The following TULP4 variants were observed in gnomAD, a reference collection of about 807,000 sequenced individuals.
The protein encoded by TULP4 is tubby-related protein 4.
A neutral mutation model predicts 129.0 loss-of-function variants in TULP4; 16 were observed. The ratio of observed to expected loss-of-function variants is 0.12; its 90% CI spans 0.08 to 0.19. The LOEUF (loss-of-function observed/expected upper bound fraction) is 0.19, where lower values mean the gene tolerates loss of function less well. TULP4 is among the 10% of genes least tolerant of loss of function. The pLI, the probability that TULP4 is intolerant of heterozygous loss-of-function variation, is 1.00. For missense variants in TULP4, 1,842 were observed against 2,059.1 expected (o/e 0.89, Z 2.04); for synonymous variants, 998 against 854.0 (o/e 1.17, Z -2.94).
chr6:158,373,311 G>A (rs542673616), intron 1 of TULP4, among the ~76,000 whole-genome samples: 20 of 152,348 alleles, frequency 1.3e-4, no homozygotes, highest in African/African-American at 4.8e-4. Flanking sequence ...CAGGGGTTAA[G>A]TGACTTGCTC....
At chr6:158,397,119 A>G (rs994902416) in intron 1 of TULP4, among the ~76,000 whole-genome samples, 2 of 152,216 alleles carry the variant, frequency 1.3e-5, no homozygotes, top group Non-Finnish European at 2.9e-5. Flanking sequence ...ATGGCCCTGG[A>G]AGACCACCAC....
chr6:158,340,267 A>G (rs1780149725), intron 1 of TULP4, among the ~76,000 whole-genome samples: 1 of 152,220 alleles, frequency 6.6e-6, no homozygotes, highest in Non-Finnish European at 1.5e-5. Flanking sequence ...TGAACCTGAA[A>G]TAGTAGTATA....
Position 158,502,384 on chromosome 6 carries a change from G to C in TULP4, c.2721G>C (p.Met907Ile), listed in dbSNP as rs143772991. The C allele has an allele frequency of 6.2e-7, 1 of 1,613,778 alleles. No individual in the cohort carries two copies. Among genetic ancestry groups the C allele is most frequent in the South Asian group, 1.1e-5 (1 of 91,066 alleles). Reference sequence around the variant, plus strand: ...AGGTGTGCCGGCCCCGCACCCGGATGCTGTGCTCCCAGAACACGTACACCC... The same window carrying C: ...AGGTGTGCCGGCCCCGCACCCGGATCCTGTGCTCCCAGAACACGTACACCC... ...VEEVCRPRTRMLCSQNTYTLP... is the reference protein window; with the variant it reads ...VEEVCRPRTRILCSQNTYTLP... The change falls in exon 13 of 14, where the codon ATG becomes ATC. Residue 907 changes from methionine to isoleucine, a missense_variant. Met to Ile is a conservative substitution (Grantham distance 10). Transcript: ENST00000367097.
intron 2 of TULP4, among the ~76,000 whole-genome samples, chr6:158,419,126 A>G (rs547453769): frequency 6.6e-6 from 1 of 152,340 alleles, no homozygotes; most frequent in East Asian, 1.9e-4. Flanking sequence ...TTCTGAGTTT[A>G]TCTGAGGAAA....
chr6:158,412,556 AT>A (rs36044322), intron 1 of TULP4, among the ~76,000 whole-genome samples: 8 of 151,492 alleles, frequency 5.3e-5, no homozygotes, highest in Non-Finnish European at 8.8e-5. Flanking sequence ...TCAAGTATGT[AT>A]TTTTTTTTCC....
chr6:158,347,094 G>T (rs995923959), intron 1 of TULP4, among the ~76,000 whole-genome samples: 1 of 152,142 alleles, frequency 6.6e-6, no homozygotes, highest in South Asian at 2.1e-4. Flanking sequence ...ATCCGTACTT[G>T]CCTGCACTTT....
chr6:158,462,088 A>G lies in TULP4; in HGVS notation c.1026+359A>G, dbSNP rs117815603. Among the ~76,000 whole-genome samples the G allele has an allele frequency of 5.2e-3, 791 of 152,266 alleles. 2 individuals carry two copies. The highest frequency in any genetic ancestry group is 8.1e-3 in the Non-Finnish European group (551 of 68,024). On this transcript the variant is annotated intron_variant, in intron 6 of 13. Transcript: ENST00000367097. ...TTCTTAGCAGGACTCCCCATTGCAA[A>G]AGACAGATTAACAAGAGAAAAACAA...
intron 1 of TULP4, among the ~76,000 whole-genome samples, chr6:158,347,017 A>G (rs1449362402): frequency 6.6e-6 from 1 of 152,094 alleles, no homozygotes; most frequent in Non-Finnish European, 1.5e-5. Context: ...CTGGCAAATC[A>G]CTTTTGTTGT....
At chr6:158,450,875 T>C (rs1779148992) in intron 4 of TULP4, among the ~76,000 whole-genome samples, 1 of 151,780 alleles carries the variant, frequency 6.6e-6, no homozygotes, top group South Asian at 2.1e-4. Context: ...GCTAACACGC[T>C]GAAATCCCGT....
intron 1 of TULP4, among the ~76,000 whole-genome samples, chr6:158,409,177 C>T (rs1353220632): frequency 6.6e-6 from 1 of 152,112 alleles, no homozygotes; most frequent in Non-Finnish European, 1.5e-5. Flanking sequence ...TGACTTAGGG[C>T]CTTAGATTAT....
intron 1 of TULP4, among the ~76,000 whole-genome samples, chr6:158,344,352 C>T (rs1480117964): frequency 2.6e-5 from 4 of 152,286 alleles, no homozygotes; most frequent in South Asian, 2.1e-4. Flanking sequence ...TGTGAGACAG[C>T]GGACTTTGTT....
chr6:158,268,126 C>G (rs1036916739), intron 1 of TULP4, among the ~76,000 whole-genome samples: 8 of 149,160 alleles, frequency 5.4e-5, no homozygotes, highest in Admixed American at 1.3e-4. Flanking sequence ...ACCTCTGCCT[C>G]CTGGGTTCAA....
rs975332156 is a variant in TULP4 at position 158,506,946 on chromosome 6, G to C, written c.*252G>C. 1 of 484,764 alleles carries C rather than the reference G, an allele frequency of 2.1e-6. No homozygotes were observed. The highest frequency in any genetic ancestry group is 2.2e-5 in the South Asian group (1 of 45,100). 30.0% of individuals were successfully genotyped at this position (484,764 alleles called of 1,614,324 possible). A position where few individuals can be genotyped will look rare whatever the true frequency, so the allele number is the denominator to read the frequency against. ...TGGCATTTGGAAGCAAAGAGTGCTA[G>C]GCACCTGCTGTTCTTTCAGGAAACA... On this transcript the variant is annotated 3_prime_UTR_variant, in exon 14 of 14. Transcript: ENST00000367097.
At chr6:158,440,525 T>C (rs1283040483) in intron 3 of TULP4, among the ~76,000 whole-genome samples, 1 of 152,130 alleles carries the variant, frequency 6.6e-6, no homozygotes, top group Non-Finnish European at 1.5e-5. Flanking sequence ...AGTGATCCTT[T>C]TTCTTCTTTC....
intron 1 of TULP4, among the ~76,000 whole-genome samples, chr6:158,286,886 T>G (rs4710222): frequency 0.15 from 23,155 of 152,216 alleles, 2,452 homozygotes; most frequent in East Asian, 0.43. Context: ...ATAATAGGAC[T>G]TGTAATTTCC....
chr6:158,457,723 G>A (rs1270598475), intron 5 of TULP4, among the ~76,000 whole-genome samples: 1 of 152,062 alleles, frequency 6.6e-6, no homozygotes, highest in Admixed American at 6.6e-5. Flanking sequence ...CTTTGTTTGT[G>A]TTTTTTGTTT....
chr6:158,340,338 T>C (rs946048667), intron 1 of TULP4, among the ~76,000 whole-genome samples: 2 of 152,052 alleles, frequency 1.3e-5, no homozygotes, highest in African/African-American at 4.8e-5. Context: ...TTGAATTAAG[T>C]CCTCATTAAT....
chr6:158,307,756 G>A (rs564172875), upstream of TULP4, among the ~76,000 whole-genome samples: 2 of 152,178 alleles, frequency 1.3e-5, no homozygotes, highest in South Asian at 4.2e-4. Flanking sequence ...CTTGTACCTT[G>A]AATGGATCTT....
At chr6:158,253,072 A>G (rs1000069453) in intron 1 of TULP4, among the ~76,000 whole-genome samples, 3 of 152,240 alleles carry the variant, frequency 2.0e-5, no homozygotes, top group African/African-American at 7.2e-5. Flanking sequence ...TAGAAATCCC[A>G]TGCGAATTGT....
Sources: allele counts gnomAD v4.1 joint callset (sites outside exome capture counted in the v4.1 genomes callset), GRCh38; gene constraint gnomAD v4.1.1; transcripts MANE v1.5; gene names NCBI Gene and HGNC (gene_info 2026-07-23, HGNC 2026-07-21).